SYCP1: variants seen among roughly 807,000 people sequenced by gnomAD.
SYCP1 encodes the protein synaptonemal complex protein 1.
Under a neutral mutation model 153.1 loss-of-function variants are expected in SYCP1, and 64 were observed. The observed-to-expected ratio is 0.42, with a 90% CI of 0.34 to 0.51. The LOEUF (loss-of-function observed/expected upper bound fraction) is 0.51. SYCP1 is among the 20% of genes least tolerant of loss of function. The pLI, the probability that SYCP1 is intolerant of heterozygous loss-of-function variation, is 0.06. For synonymous variants in SYCP1, 384 were observed against 341.8 expected, an observed-to-expected ratio of 1.12 and a Z score of -1.36; for missense variants, 997 against 1,049.0, an observed-to-expected ratio of 0.95 and a Z score of 0.68.
chr1:114,918,198 C>T (rs1302595728), intron 20 of SYCP1, among the ~76,000 whole-genome samples: 2 of 151,950 alleles, frequency 1.3e-5, no homozygotes, highest in African/African-American at 4.8e-5. Flanking sequence ...CATTCTTCTG[C>T]ATATGGATAT....
intron 15 of SYCP1, among the ~76,000 whole-genome samples, chr1:114,890,715 C>G (rs1221472414): frequency 6.6e-6 from 1 of 152,086 alleles, no homozygotes; most frequent in African/African-American, 2.4e-5. Context: ...GTCTCAAAAC[C>G]AGAAATCTTG....
intron 27 of SYCP1, among the ~76,000 whole-genome samples, chr1:114,951,172 A>G (rs1671084706): frequency 6.6e-6 from 1 of 152,214 alleles, no homozygotes; most frequent in South Asian, 2.1e-4. Context: ...ATACATACAA[A>G]TGTAAAGGAA....
intron 27 of SYCP1, among the ~76,000 whole-genome samples, chr1:114,974,664 G>A (rs1417644620): frequency 6.6e-6 from 1 of 151,704 alleles, no homozygotes; most frequent in African/African-American, 2.4e-5. Context: ...TATGTAACAG[G>A]ATGCCCTTTT....
chr1:114,941,389 C>T (rs1297129116), intron 23 of SYCP1, among the ~76,000 whole-genome samples: 1 of 151,978 alleles, frequency 6.6e-6, no homozygotes, highest in Non-Finnish European at 1.5e-5. Context: ...TATAACTATA[C>T]CATTTTTTAT....
chr1:114,923,459 G>C lies in SYCP1; in HGVS notation c.1729G>C (p.Glu577Gln). 1.3e-6 allele frequency: 2 copies of C among 1,584,078 alleles called. No individual in the cohort carries two copies. Among genetic ancestry groups the C allele is most frequent in the Non-Finnish European group, 1.7e-6 (2 of 1,161,822 alleles). The change falls in exon 21 of 32, where the codon GAA becomes CAA. Residue 577 changes from glutamate to glutamine, a missense_variant. By Grantham distance (29) the Glu-to-Gln change is conservative (BLOSUM62 2). Around this residue, in one of 2 missense-constraint regions of SYCP1, gnomAD observed 712 missense variants for 682.9 expected, o/e 1.04. Transcript: ENST00000369522. ...ETETQLRNEL[E>Q]YVREELKQKR... is the part of the protein sequence containing the mutation. ...TCCATTTTCTTTTAGAAATGAACTA[G>C]AATATGTGAGAGAAGAGCTAAAACA...
At chr1:114,891,348 T>C (rs1042993180) in intron 15 of SYCP1, among the ~76,000 whole-genome samples, 12 of 152,212 alleles carry the variant, frequency 7.9e-5, no homozygotes, top group African/African-American at 2.7e-4. Context: ...CTTTCTAGGA[T>C]AGCCACCTTT....
At chr1:114,984,555 C>T (rs1673373884) in intron 29 of SYCP1, among the ~76,000 whole-genome samples, 170 bp from the exon 30 acceptor site, 1 of 151,990 alleles carries the variant, frequency 6.6e-6, no homozygotes, top group African/African-American at 2.4e-5. Context: ...GTATCAAAAA[C>T]ATTTGAATTA....
At chr1:114,890,980 C>A (rs1437002745) in intron 15 of SYCP1, among the ~76,000 whole-genome samples, 3 of 152,016 alleles carry the variant, frequency 2.0e-5, no homozygotes, top group Non-Finnish European at 4.4e-5. Context: ...TAAGATTAAT[C>A]ATCAAACCGT....
At chr1:114,953,559 T>C (rs1223417536) in intron 27 of SYCP1, among the ~76,000 whole-genome samples, 1 of 152,234 alleles carries the variant, frequency 6.6e-6, no homozygotes, top group Non-Finnish European at 1.5e-5. Flanking sequence ...TTGAAAAGAC[T>C]GCTTTATCTC....
chr1:114,994,979 G>GAAA lies in SYCP1; in HGVS notation c.2899_2901dup (p.Lys967dup). 3 of 1,404,876 alleles carry GAAA rather than the reference G, an allele frequency of 2.1e-6. No homozygotes were observed. Among genetic ancestry groups the GAAA allele is most frequent in the Admixed American group, 1.9e-5 (1 of 51,356 alleles). The allele number at this position is 1,404,876 out of a possible 1,614,324, so 87.0% of individuals were successfully genotyped here. A position where few individuals can be genotyped will look rare whatever the true frequency, so the allele number is the denominator to read the frequency against. ...TGGGCTGTAATTGCTAAAATGGATA[G>GAAA]AAAAAAAAAACTAAAAGAAGCTGAA... On this transcript the variant is annotated inframe_insertion, in exon 32 of 32. Transcript: ENST00000369522.
chr1:114,903,596 A>G (rs1667617265), intron 16 of SYCP1, among the ~76,000 whole-genome samples: 1 of 152,226 alleles, frequency 6.6e-6, no homozygotes, highest in African/African-American at 2.4e-5. Flanking sequence ...ATCATATCAA[A>G]GGAATTTTGT....
At chr1:114,930,425 A>G (rs974665957) in intron 23 of SYCP1, among the ~76,000 whole-genome samples, 2 of 151,980 alleles carry the variant, frequency 1.3e-5, no homozygotes, top group Non-Finnish European at 2.9e-5. Context: ...ACTGACCACA[A>G]AAAAAGGGAG....
At chr1:114,907,652 G>A (rs112978230) in intron 16 of SYCP1, among the ~76,000 whole-genome samples, 466 of 148,480 alleles carry the variant, frequency 3.1e-3, no homozygotes, top group Non-Finnish European at 5.1e-3. Flanking sequence ...CATGATCTCC[G>A]CTCACTGCAA....
intron 28 of SYCP1, among the ~76,000 whole-genome samples, chr1:114,980,615 C>A (rs904055822): frequency 2.0e-5 from 3 of 151,670 alleles, no homozygotes; most frequent in African/African-American, 7.3e-5. Flanking sequence ...TGAAAGAGAA[C>A]GAATGAAAGT....
chr1:114,882,685 A>C (rs992834985), intron 12 of SYCP1, among the ~76,000 whole-genome samples: 2 of 152,070 alleles, frequency 1.3e-5, no homozygotes, highest in African/African-American at 4.8e-5. Context: ...TTTACTTGAA[A>C]AAAAAGATTA....
intron 16 of SYCP1, among the ~76,000 whole-genome samples, chr1:114,903,528 G>A (rs1329470332): frequency 6.6e-6 from 1 of 152,200 alleles, no homozygotes; most frequent in African/African-American, 2.4e-5. Flanking sequence ...AGTACATGAT[G>A]AAGTGAAAGA....
intron 16 of SYCP1, among the ~76,000 whole-genome samples, chr1:114,901,484 A>C (rs1206670369): frequency 1.3e-5 from 2 of 152,174 alleles, no homozygotes; most frequent in Non-Finnish European, 2.9e-5. Flanking sequence ...CAGTGCGTGG[A>C]GGGGAAGAGA....
At chr1:114,931,914 A>G (rs576260189) in intron 23 of SYCP1, among the ~76,000 whole-genome samples, 1 of 152,210 alleles carries the variant, frequency 6.6e-6, no homozygotes, top group Non-Finnish European at 1.5e-5. Flanking sequence ...GACTAAATGT[A>G]CAGACTGTTA....
At position 114,926,522 on chromosome 1, in the gene SYCP1, G is replaced by T; in HGVS notation, c.1885G>T (p.Gly629Cys). The change falls in exon 23 of 32, where the codon GGT (glycine) becomes TGT (cysteine). Residue 629 changes from glycine (G) to cysteine (C), a missense_variant. Gly to Cys is a radical substitution (Grantham distance 159, BLOSUM62 -3). Transcript: ENST00000369522. The part of the protein sequence containing the change: ...QQENKALKKK[G>C]TAESKQLNVY... ...ACAGAATAAGGCCTTGAAAAAAAAA[G>T]GTACAGCAGAAAGCAAGCAACTGAA... The T allele has an allele frequency of 6.3e-7, 1 of 1,585,080 alleles. No homozygotes were observed. Among genetic ancestry groups the T allele is most frequent in the East Asian group, 2.3e-5 (1 of 43,574 alleles).
Sources: allele counts gnomAD v4.1 joint callset (sites outside exome capture counted in the v4.1 genomes callset), GRCh38; gene constraint gnomAD v4.1.1; regional missense constraint gnomAD v4.1.1; transcripts MANE v1.5; gene names NCBI Gene and HGNC (gene_info 2026-07-23, HGNC 2026-07-21).